The following NREP variants were observed in gnomAD, a reference collection of about 807,000 sequenced individuals.
NREP encodes the protein neuronal regeneration related protein, also known as neuronal regeneration-related protein.
In NREP, 5 loss-of-function variants were observed where a neutral mutation model predicts 8.6. That is an observed-to-expected ratio of 0.58 (90% confidence interval 0.30 to 1.22). The LOEUF is 1.22. Among genes scored for constraint, NREP ranks in the 50% most tolerant of loss-of-function variants. The probability of loss-of-function intolerance (pLI) is 0.07; values close to 1 mark genes in which losing one functional copy is unlikely to be tolerated. For synonymous variants in NREP, 27 were observed against 28.0 expected (o/e 0.96, Z 0.11); for missense variants, 86 against 82.5 (o/e 1.04, Z -0.17).
chr5:111,782,163 C>A (rs1267203001), intron 2 of NREP, among the ~76,000 whole-genome samples: 3 of 152,130 alleles, frequency 2.0e-5, no homozygotes, highest in Non-Finnish European at 4.4e-5. Context: ...TGTAGTACTC[C>A]AAATATTTAC....
At chr5:111,828,250 G>A (rs552119061) in intron 2 of NREP, among the ~76,000 whole-genome samples, 17 of 152,148 alleles carry the variant, frequency 1.1e-4, no homozygotes, top group African/African-American at 3.6e-4. Context: ...GGCTAGTTGC[G>A]AACTCTCAAC....
chr5:111,857,591 G>A (rs1317817875), intron 2 of NREP, among the ~76,000 whole-genome samples: 1 of 152,192 alleles, frequency 6.6e-6, no homozygotes, highest in East Asian at 1.9e-4. Context: ...TGTAGAGTAG[G>A]TGATCAATAA....
chr5:111,757,538 C>T (rs79081912), upstream of NREP: 1,157 of 984,864 alleles, frequency 1.2e-3, 16 homozygotes, highest in African/African-American at 0.019. Flanking sequence ...CACTGTGCAG[C>T]CGCCTAGGAG....
chr5:111,894,345 T>C (rs2112538232), intron 2 of NREP, among the ~76,000 whole-genome samples: 1 of 151,976 alleles, frequency 6.6e-6, no homozygotes, highest in East Asian at 1.9e-4. Flanking sequence ...TACAATTTTA[T>C]TGTTTTAAGG....
chr5:111,776,624 C>T (rs1751367960), intron 2 of NREP, among the ~76,000 whole-genome samples: 1 of 151,988 alleles, frequency 6.6e-6, no homozygotes, highest in Non-Finnish European at 1.5e-5. Context: ...GAATAATAGA[C>T]AACAACAAAA....
At chr5:111,937,770 C>T (rs1264378260) in intron 2 of NREP, among the ~76,000 whole-genome samples, 3 of 152,038 alleles carry the variant, frequency 2.0e-5, no homozygotes, top group Non-Finnish European at 4.4e-5. Context: ...CTTCCCTCTT[C>T]CTGTCCCACC....
intron 2 of NREP, among the ~76,000 whole-genome samples, chr5:111,886,352 G>C (rs1235704964): frequency 6.6e-6 from 1 of 151,370 alleles, no homozygotes; most frequent in East Asian, 1.9e-4. Flanking sequence ...GGAGAAATAG[G>C]AACACTTTTA....
At chr5:111,756,320 C>CCCCCG in intron 1 of NREP, 1 of 30,650 alleles carries the variant, frequency 3.3e-5, no homozygotes, top group Non-Finnish European at 5.9e-5. Flanking sequence ...AAACCCTACA[C>CCCCCG]GGCGGGGGGG....
intron 2 of NREP, among the ~76,000 whole-genome samples, chr5:111,742,313 C>T (rs1009455780): frequency 6.6e-6 from 1 of 152,086 alleles, no homozygotes; most frequent in Non-Finnish European, 1.5e-5. Flanking sequence ...CTCTGCTCAT[C>T]GTGAAGCCAT....
intron 3 of NREP, chr5:111,733,059 C>T (rs1431850303): frequency 6.6e-6 from 1 of 152,076 alleles, no homozygotes; most frequent in African/African-American, 2.4e-5. Flanking sequence ...AGAGGCACTT[C>T]CAGAAAAAAA....
chr5:111,916,786 G>T (rs901516960), intron 2 of NREP, among the ~76,000 whole-genome samples: 1 of 152,066 alleles, frequency 6.6e-6, no homozygotes, highest in Non-Finnish European at 1.5e-5. Context: ...CAACTGTTAG[G>T]GGTTGTGACA....
At chr5:111,949,849 T>A (rs997311189) in intron 2 of NREP, among the ~76,000 whole-genome samples, 1 of 152,164 alleles carries the variant, frequency 6.6e-6, no homozygotes, top group Middle Eastern at 3.2e-3. Context: ...TTTGGGTTGG[T>A]TCCCAGTCTT....
chr5:111,887,783 A>T lies in NREP; in HGVS notation c.135+87491T>A, dbSNP rs537485982. Among the ~76,000 whole-genome samples, 9 of 152,330 alleles carry T rather than the reference A, an allele frequency of 5.9e-5. No individual in the cohort carries two copies. In the South Asian group the frequency reaches 1.9e-3, roughly 32 times the overall value. On this transcript the variant is annotated intron_variant, in intron 2 of 3. Coordinates refer to the NREP transcript ENST00000395634. Reference sequence around the variant, plus strand: ...GGCATTGCTGTTGAGATGTAGGCAGACTTGATAGCAACACATTCATATTTT... The same window carrying T: ...GGCATTGCTGTTGAGATGTAGGCAGTCTTGATAGCAACACATTCATATTTT...
intron 2 of NREP, among the ~76,000 whole-genome samples, chr5:111,866,580 G>A (rs549629347): frequency 9.9e-5 from 15 of 152,186 alleles, no homozygotes; most frequent in African/African-American, 2.6e-4. Flanking sequence ...TGTGGAAGTC[G>A]GTGTGGCAAT....
At chr5:111,883,476 A>C (rs537160286) in intron 2 of NREP, among the ~76,000 whole-genome samples, 6 of 152,332 alleles carry the variant, frequency 3.9e-5, no homozygotes, top group African/African-American at 1.2e-4. Context: ...AGCAGACCTA[A>C]TAGACATCTA....
At chr5:111,769,241 T>C (rs1581103275) in intron 2 of NREP, among the ~76,000 whole-genome samples, 2 of 152,348 alleles carry the variant, frequency 1.3e-5, no homozygotes, top group Non-Finnish European at 1.5e-5. Flanking sequence ...TTATTGAGCA[T>C]CCACTTGCTA....
At chr5:111,755,485 A>T in intron 2 of NREP, 1 of 418,084 alleles carries the variant, frequency 2.4e-6, no homozygotes, top group East Asian at 4.6e-5. Context: ...CTTCTTAAAG[A>T]ACCGAATAGT....
chr5:111,836,443 G>C (rs796640534), intron 2 of NREP, among the ~76,000 whole-genome samples: 1 of 152,046 alleles, frequency 6.6e-6, no homozygotes, highest in Non-Finnish European at 1.5e-5. Flanking sequence ...TCAGGGAAGA[G>C]CAAGTCTCTT....
intron 2 of NREP, among the ~76,000 whole-genome samples, chr5:111,736,766 T>G (rs1008737898): frequency 4.6e-5 from 7 of 152,334 alleles, no homozygotes; most frequent in African/African-American, 1.2e-4. Flanking sequence ...TAATTTGTCC[T>G]GATGATAAGC....
Sources: gnomAD v4.1 joint callset for allele counts (sites outside exome capture counted in the v4.1 genomes callset) on GRCh38, gnomAD v4.1.1 for gene constraint, MANE v1.5 for transcripts, NCBI Gene and HGNC (gene_info 2026-07-23, HGNC 2026-07-21) for gene names.